ZC3H7B: variants seen among roughly 807,000 people sequenced by gnomAD.
ZC3H7B encodes the protein zinc finger CCCH-type containing 7B.
In ZC3H7B, 35 loss-of-function variants were observed where a neutral mutation model predicts 116.0. The observed-to-expected ratio is 0.30, with a 90% confidence interval of 0.23 to 0.40. ZC3H7B has a LOEUF of 0.40. Ranked by LOEUF, ZC3H7B falls within the 10% of genes least tolerant of loss-of-function variation. ZC3H7B has a pLI of 1.00. For missense variants in ZC3H7B, 1,011 were observed against 1,321.5 expected (o/e 0.77, Z 3.64); for synonymous variants, 502 against 545.6 (o/e 0.92, Z 1.11).
In ZC3H7B at chr22:41,346,137, G is replaced by T. The variant is rs1342462171; in HGVS notation, c.1594G>T (p.Val532Phe). The T allele has an allele frequency of 6.2e-7, 1 of 1,613,182 alleles. No individual in the cohort carries two copies. Residue 532 changes from valine (V) to phenylalanine (F), a missense_variant, in exon 14 of 23, where the codon GTT (valine) becomes TTT (phenylalanine). Val to Phe is a conservative substitution (Grantham distance 50). Transcript: ENST00000352645. The surrounding 1 kb of genome is among the most constrained non-coding windows in gnomAD (Gnocchi z 5.3). ...CCTGCTCTTCGACCCGCTGGGGGGT[G>T]TTAAGCGCGGCAGCCTCACCATCGC... ...RDLLFDPLGG[V>F]KRGSLTIAKL...
In ZC3H7B at chr22:41,327,682, G is replaced by A. The variant is rs954693998; in HGVS notation, c.444+318G>A. 2.0e-5 allele frequency among the ~76,000 whole-genome samples: 3 copies of A among 152,334 alleles called. No homozygotes were observed. Among genetic ancestry groups the A allele is most frequent in the South Asian group, 2.1e-4 (1 of 4,828 alleles). ...TCACGCCTGTAATCTCAGCACTTTC[G>A]GAGGCTGAGGCAGGCGGATCACCTG... On this transcript the variant is annotated intron_variant, in intron 5 of 22. Coordinates refer to ENST00000352645, the MANE Select transcript of ZC3H7B (RefSeq NM_017590.6). This position sits in a 1 kb window ranked among gnomAD's most constrained non-coding sequence, Gnocchi z 4.5.
intron 1 of ZC3H7B, among the ~76,000 whole-genome samples, chr22:41,309,138 T>A (rs930908398): frequency 1.3e-5 from 2 of 149,862 alleles, no homozygotes; most frequent in Non-Finnish European, 1.5e-5. Context: ...CAGCCTCCCG[T>A]GTAGCTGGGA....
Position 41,355,894 on chromosome 22 carries a change from C to G in ZC3H7B, c.2274+32C>G, listed in dbSNP as rs759751566. 4 of 1,611,466 alleles carry G rather than the reference C, an allele frequency of 2.5e-6. No individual in the cohort carries two copies. The African/African-American group carries it at 4.0e-5, about 16-fold the overall frequency. On this transcript the variant is annotated intron_variant, in intron 19 of 22. Transcript: ENST00000352645. The stretch of plus-strand genomic sequence containing the variant: ...GCTGGGATGGGGGGCTGGGGGTCCC[C>G]CAGGAGGCAGCGATGCTTTCCAGCG...
Position 41,343,412 on chromosome 22 carries a change from T to C in ZC3H7B, c.1298-3T>C, listed in dbSNP as rs749358373. ...TTATCATGTGTGTCCACCCTGCCCA[T>C]AGGCCCCCGGGCTGGCGACTACACC... On this transcript the variant is annotated splice_region_variant and splice_polypyrimidine_tract_variant and intron_variant, in intron 12 of 22. Transcript: ENST00000352645. 1.2e-6 allele frequency: 2 copies of C among 1,606,510 alleles called. No individual in the cohort carries two copies. The highest frequency in any genetic ancestry group is 1.7e-5 in the Admixed American group (1 of 59,602).
In ZC3H7B at chr22:41,356,430, A is replaced by T; in HGVS notation, c.2471A>T (p.Glu824Val). Residue 824 changes from glutamate (E) to valine (V), a missense_variant, in exon 21 of 23, where the codon GAA becomes GTA. Physicochemically the swap from Glu to Val is moderately radical, Grantham distance 121. Transcript: ENST00000352645. Reference protein sequence around the residue: ...PGEGTPISSREGEKQIQMPTD... With the variant: ...PGEGTPISSRVGEKQIQMPTD... ...GAAGGGACCCCCATCAGTTCTCGGG[A>T]AGGGGAGAAGCAGATCCAGATGCCC... 1 of 1,614,178 alleles carries T rather than the reference A, an allele frequency of 6.2e-7. No homozygotes were observed. Among genetic ancestry groups the T allele is most frequent in the South Asian group, 1.1e-5 (1 of 91,088 alleles).
At position 41,348,103 on chromosome 22, in the gene ZC3H7B, G is replaced by T. The variant is rs772436597; in HGVS notation, c.1702G>T (p.Gly568Cys). 1 of 1,614,062 alleles carries T rather than the reference G, an allele frequency of 6.2e-7. No homozygotes were observed. The highest frequency in any genetic ancestry group is 1.1e-5 in the South Asian group (1 of 91,088). Residue 568 changes from glycine (G) to cysteine (C), a missense_variant, in exon 15 of 23, where the codon GGC (glycine) becomes TGC (cysteine). Around this residue, in one of 5 missense-constraint regions of ZC3H7B, gnomAD observed 406 missense variants for 590.2 expected, o/e 0.69. Coordinates refer to ENST00000352645, the MANE Select transcript of ZC3H7B (RefSeq NM_017590.6). ...FDSKPRIISK[G>C]TKDSPSVCSN... ...CAGTAAACCCCGGATCATCAGCAAA[G>T]GCACCAAGGACTCTCCGTCTGTCTG...
Position 41,327,086 on chromosome 22 carries a change from T to A in ZC3H7B, c.286-120T>A. 8 of 1,437,116 alleles carry A rather than the reference T, an allele frequency of 5.6e-6. No individual in the cohort carries two copies. The highest frequency in any genetic ancestry group is 7.5e-6 in the Non-Finnish European group (8 of 1,068,260). 89.0% of individuals were successfully genotyped at this position (1,437,116 alleles called of 1,614,324 possible). On this transcript the variant is annotated intron_variant, in intron 4 of 22. Transcript: ENST00000352645. The surrounding 1 kb of genome is among the most constrained non-coding windows in gnomAD (Gnocchi z 4.5). ...TCGAGCCCTGTCCCTGACCCAAGAC[T>A]TCAGCTCCTCTGTCTCTGCCAGGAA... is the stretch of plus-strand genomic sequence containing the variant.
In ZC3H7B at chr22:41,338,413, G is replaced by A; in HGVS notation, c.625+58G>A. 2 of 1,580,376 alleles carry A rather than the reference G, an allele frequency of 1.3e-6. No homozygotes were observed. The highest frequency in any genetic ancestry group is 1.7e-6 in the Non-Finnish European group (2 of 1,157,712). Reference sequence around the variant, plus strand: ...ATTGGGGCCCCGAGAGGTCAGGGGAGTCGAGCCCCCTCCCCATCCCAGCCC... The same window carrying A: ...ATTGGGGCCCCGAGAGGTCAGGGGAATCGAGCCCCCTCCCCATCCCAGCCC... On this transcript the variant is annotated intron_variant, in intron 8 of 22. Transcript: ENST00000352645. The surrounding 1 kb of genome is among the most constrained non-coding windows in gnomAD (Gnocchi z 4.5).
In ZC3H7B at chr22:41,355,576, G is replaced by A. The variant is rs2036702888; in HGVS notation, c.2142G>A (p.Lys714=). The A allele has an allele frequency of 8.1e-6, 13 of 1,614,072 alleles. No homozygotes were observed. Among genetic ancestry groups the A allele is most frequent in the African/African-American group, 1.3e-5 (1 of 74,926 alleles). The change falls in exon 18 of 23, where the codon AAG becomes AAA. Residue 714 remains lysine, a synonymous_variant. Coordinates refer to ENST00000352645, the MANE Select transcript of ZC3H7B (RefSeq NM_017590.6). ...GQVVEPDKDL[K]YCSAKARHCW... ...TGGTGGAGCCTGACAAGGACCTCAA[G>A]TACTGTAGTGCCAAGGCCCGGCACT...
At position 41,318,312 on chromosome 22, in the gene ZC3H7B, G is replaced by A. The variant is rs2036209544; in HGVS notation, c.-6-2343G>A. 2.0e-5 allele frequency among the ~76,000 whole-genome samples: 3 copies of A among 151,990 alleles called. 1 individual carries two copies. In the South Asian group the frequency reaches 6.2e-4, roughly 32 times the overall value. On this transcript the variant is annotated intron_variant, in intron 1 of 22. Transcript: ENST00000352645. ...TGGGAGGCCGAGGCGGGCAGATCAC[G>A]AGCTCAGGAGATCAAGACCATCCTG...
At chr22:41,322,452 C>T (rs992027220) in intron 2 of ZC3H7B, among the ~76,000 whole-genome samples, 2 of 152,196 alleles carry the variant, frequency 1.3e-5, no homozygotes, top group Non-Finnish European at 2.9e-5. Context: ...TCCCAAAGTG[C>T]TGGGATTATA....
rs2036656583 is a variant in ZC3H7B at position 41,351,722 on chromosome 22, T to G, written c.2034+76T>G. 3.5e-6 allele frequency: 5 copies of G among 1,428,336 alleles called. No homozygotes were observed. Among genetic ancestry groups the G allele is most frequent in the Non-Finnish European group, 4.8e-6 (5 of 1,039,780 alleles). 88.5% of individuals were successfully genotyped at this position (1,428,336 alleles called of 1,614,324 possible). On this transcript the variant is annotated intron_variant, in intron 17 of 22. Transcript: ENST00000352645. This position sits in a 1 kb window ranked among gnomAD's most constrained non-coding sequence, Gnocchi z 5.1. ...AAATTACAAACAGGAAGGCTCTAAT[T>G]TTACAATAGAGAAATGTTTACAATG...
rs1392469842 is a variant in ZC3H7B at position 41,343,597 on chromosome 22, C to T, written c.1459+21C>T. 4 of 1,571,834 alleles carry T rather than the reference C, an allele frequency of 2.5e-6. No individual in the cohort carries two copies. The Admixed American group carries it at 5.4e-5, about 21-fold the overall frequency. ...CAAAGGTGGGTGGGCTGCAGCGGGG[C>T]AGGCAGCACAGCTGGGGCCCAGCCC... On this transcript the variant is annotated intron_variant, in intron 13 of 22. Transcript: ENST00000352645.
intron 6 of ZC3H7B, among the ~76,000 whole-genome samples, chr22:41,330,935 C>T (rs1169108528): frequency 7.1e-6 from 1 of 141,810 alleles, no homozygotes; most frequent in Non-Finnish European, 1.5e-5. Context: ...GTGGCGCGAT[C>T]TCAGCTCACT....
chr22:41,333,365 G>C (rs1352243666), intron 7 of ZC3H7B: 1 of 152,190 alleles, frequency 6.6e-6, no homozygotes, highest in African/African-American at 2.4e-5. Context: ...GGTGGCTCAT[G>C]CCTGTAATCC....
At chr22:41,312,777 G>C (rs886694255) in intron 1 of ZC3H7B, among the ~76,000 whole-genome samples, 1 of 151,942 alleles carries the variant, frequency 6.6e-6, no homozygotes, top group African/African-American at 2.4e-5. Flanking sequence ...CAAGCGTGAT[G>C]GTGCGTGCCT....
chr22:41,337,360 C>G (rs1414373773), intron 7 of ZC3H7B, among the ~76,000 whole-genome samples: 1 of 151,816 alleles, frequency 6.6e-6, no homozygotes, highest in Non-Finnish European at 1.5e-5. Context: ...ACACAAAGCA[C>G]TTCCTGTGTG....
chr22:41,319,387 C>T (rs1368741993), intron 1 of ZC3H7B, among the ~76,000 whole-genome samples: 2 of 150,136 alleles, frequency 1.3e-5, no homozygotes, highest in South Asian at 2.1e-4. Context: ...GGCGACAGAG[C>T]AGAACTCCCT....
At chr22:41,348,935 G>T (rs1270593538) in intron 15 of ZC3H7B, among the ~76,000 whole-genome samples, 185 bp from the exon 16 acceptor site, 7 of 152,138 alleles carry the variant, frequency 4.6e-5, no homozygotes, top group African/African-American at 1.7e-4. Flanking sequence ...CTGGGACCCA[G>T]GCCCAGGGGT....
Sources: allele counts gnomAD v4.1 joint callset (sites outside exome capture counted in the v4.1 genomes callset), GRCh38; gene constraint gnomAD v4.1.1; regional missense constraint gnomAD v4.1.1; non-coding constraint Gnocchi (gnomAD v3.1); transcripts MANE v1.5; gene names NCBI Gene and HGNC (gene_info 2026-07-23, HGNC 2026-07-21).